The following TTLL5 variants were observed in gnomAD, a reference collection of about 807,000 sequenced individuals.
The protein encoded by TTLL5 is tubulin polyglutamylase TTLL5.
TTLL5 carries 132 observed loss-of-function variants against 168.4 expected under a neutral mutation model. The ratio of observed to expected loss-of-function variants is 0.78; its 90% CI spans 0.68 to 0.91. The LOEUF is 0.91. TTLL5 is among the 40% of genes least tolerant of loss of function. The pLI, the probability that TTLL5 is intolerant of heterozygous loss-of-function variation, is 0.00. For synonymous variants in TTLL5, 546 were observed against 558.6 expected (o/e 0.98, Z 0.32); for missense variants, 1,545 against 1,581.5 (o/e 0.98, Z 0.39).
intron 7 of TTLL5, among the ~76,000 whole-genome samples, chr14:75,699,868 G>T (rs1479996022): frequency 1.3e-5 from 2 of 151,924 alleles, no homozygotes; most frequent in Non-Finnish European, 2.9e-5. Context: ...AATCCCTACT[G>T]GTCTCACTCC....
At chr14:75,718,576 G>A (rs1887623751) in intron 10 of TTLL5, among the ~76,000 whole-genome samples, 1 of 152,106 alleles carries the variant, frequency 6.6e-6, no homozygotes, top group Non-Finnish European at 1.5e-5. Flanking sequence ...AACTATAGTG[G>A]GTAGGATTGT....
chr14:75,882,199 T>G (rs1222454857), intron 29 of TTLL5, among the ~76,000 whole-genome samples: 1 of 152,158 alleles, frequency 6.6e-6, no homozygotes, highest in Non-Finnish European at 1.5e-5. Context: ...TCACCATGCC[T>G]TAGCCACACT....
chr14:75,793,196 T>G, intron 27 of TTLL5, 96 bp downstream of exon 27: 1 of 1,132,904 alleles, frequency 8.8e-7, no homozygotes, highest in South Asian at 2.9e-5. Flanking sequence ...TATTCCCATA[T>G]ACTGATGCCT....
rs768372625 is a variant in TTLL5, at chr14:75,733,626, A to G, written c.1125-363A>G. On this transcript the variant is annotated intron_variant, in intron 13 of 31. Transcript: ENST00000298832. ...AAAAGTAATTTGAATGGTGGTGGAC[A>G]TACTCATAAAAGAGCATACTGAAAA... Among the ~76,000 whole-genome samples the G allele has an allele frequency of 4.6e-5, 7 of 152,234 alleles. No homozygotes were observed. The South Asian group carries it at 6.2e-4, about 13-fold the overall frequency.
intron 26 of TTLL5, among the ~76,000 whole-genome samples, chr14:75,784,267 A>G (rs1444877795): frequency 6.6e-6 from 1 of 152,170 alleles, no homozygotes; most frequent in Non-Finnish European, 1.5e-5. Context: ...GGACATTTTT[A>G]TATAAGTAAA....
intron 30 of TTLL5, chr14:75,887,332 A>G: frequency 4.1e-6 from 4 of 985,088 alleles, no homozygotes; most frequent in Non-Finnish European, 4.8e-6. Context: ...ATGAGTCATT[A>G]AAGTGAGAAG....
chr14:75,886,856 T>C lies in TTLL5; in HGVS notation c.3740+3954T>C, dbSNP rs746142421. The C allele has an allele frequency of 2.0e-4, 296 of 1,510,724 alleles. No individual in the cohort carries two copies. In the Middle Eastern group the frequency reaches 3.1e-3, roughly 16 times the overall value. The allele number at this position is 1,510,724 out of a possible 1,614,324, so 93.6% of individuals were successfully genotyped here. The stretch of plus-strand genomic sequence containing the variant: ...CCAGAATCATACTCTCCAGGAAATA[T>C]GGAGAAAGAAACCTGAGGAGATTGA... On this transcript the variant is annotated intron_variant, in intron 30 of 31. Transcript: ENST00000298832.
At chr14:75,791,105 C>CAAAAAAAAAA (rs372035829) in intron 26 of TTLL5, among the ~76,000 whole-genome samples, 7,890 of 76,964 alleles carry the variant, frequency 0.1, 919 homozygotes, top group African/African-American at 0.17. Context: ...GACTCTGTCT[C>CAAAAAAAAAA]AAAAAAAAAA....
At chr14:75,713,307 C>T (rs1044401937) in intron 9 of TTLL5, among the ~76,000 whole-genome samples, 9 of 152,172 alleles carry the variant, frequency 5.9e-5, no homozygotes, top group Non-Finnish European at 1.2e-4. Flanking sequence ...CCATTGTGTT[C>T]CAGTTGCCTA....
rs146051440 is a variant in TTLL5, at chr14:75,863,735, G to A, written c.3395G>A (p.Gly1132Glu). 882 of 1,613,440 alleles carry A rather than the reference G, an allele frequency of 5.5e-4. No homozygotes were observed. The highest frequency in any genetic ancestry group is 7.0e-4 in the Non-Finnish European group (822 of 1,179,846). Reference sequence around the variant, plus strand: ...AACAACGTGTACAGCCAGGCTACAGGGGTGGTCCCCCAGCACAAGTATCAC... The same window carrying A: ...AACAACGTGTACAGCCAGGCTACAGAGGTGGTCCCCCAGCACAAGTATCAC... ...VENNVYSQAT[G>E]VVPQHKYHPT... Residue 1132 changes from glycine to glutamate, a missense_variant, in exon 29 of 32, where the codon GGG becomes GAG. Coordinates refer to ENST00000298832, the MANE Select transcript of TTLL5 (RefSeq NM_015072.5).
intron 31 of TTLL5, among the ~76,000 whole-genome samples, chr14:75,949,311 A>G (rs2034876962): frequency 6.6e-6 from 1 of 150,838 alleles, no homozygotes; most frequent in African/African-American, 2.4e-5. Context: ...ATATGTATAT[A>G]TACACATATA....
intron 15 of TTLL5, among the ~76,000 whole-genome samples, chr14:75,738,811 A>C (rs1889064839): frequency 6.6e-6 from 1 of 152,026 alleles, no homozygotes; most frequent in Non-Finnish European, 1.5e-5. Flanking sequence ...ATTTATTTTT[A>C]CTTACTTATT....
At chr14:75,840,741 C>T (rs917364197) in intron 28 of TTLL5, among the ~76,000 whole-genome samples, 2 of 152,194 alleles carry the variant, frequency 1.3e-5, no homozygotes, top group African/African-American at 4.8e-5. Context: ...TGCTACCCAA[C>T]CTTAATTTCC....
At chr14:75,920,289 A>G (rs1419587964) in intron 31 of TTLL5, among the ~76,000 whole-genome samples, 5 of 152,160 alleles carry the variant, frequency 3.3e-5, no homozygotes, top group Non-Finnish European at 5.9e-5. Flanking sequence ...TTTAAATTTA[A>G]GTTCTAGGGT....
At chr14:75,779,553 A>G (rs200043030) in intron 23 of TTLL5, 22 bp from the exon 24 acceptor site, 4 of 1,608,914 alleles carry the variant, frequency 2.5e-6, no homozygotes, top group Admixed American at 3.4e-5. Flanking sequence ...CTGTCTGACC[A>G]TACTTTTTCT....
At chr14:75,664,174 A>G (rs1883089276) in intron 2 of TTLL5, among the ~76,000 whole-genome samples, 1 of 152,214 alleles carries the variant, frequency 6.6e-6, no homozygotes, top group African/African-American at 2.4e-5. Context: ...ATCTTTTTAA[A>G]TCTGAAGGTG....
At chr14:75,952,294 A>G (rs886742112) in intron 31 of TTLL5, among the ~76,000 whole-genome samples, 1 of 152,096 alleles carries the variant, frequency 6.6e-6, no homozygotes, top group African/African-American at 2.4e-5. Flanking sequence ...GGGCAACACA[A>G]CGAGACCCCA....
intron 28 of TTLL5, among the ~76,000 whole-genome samples, chr14:75,858,108 G>A (rs79199644): frequency 0.016 from 2,398 of 152,268 alleles, 80 homozygotes; most frequent in African/African-American, 0.053. Context: ...TGGGGGCTGC[G>A]GAGAGGTTGG....
intron 27 of TTLL5, among the ~76,000 whole-genome samples, chr14:75,806,579 C>T (rs1893669216): frequency 1.3e-5 from 2 of 152,190 alleles, no homozygotes; most frequent in South Asian, 4.1e-4. Flanking sequence ...AAATGTTCCC[C>T]AGTTGCCATG....
Sources: gnomAD v4.1 joint callset for allele counts (sites outside exome capture counted in the v4.1 genomes callset) on GRCh38, gnomAD v4.1.1 for gene constraint, MANE v1.5 for transcripts, NCBI Gene and HGNC (gene_info 2026-07-23, HGNC 2026-07-21) for gene names.